The following LARP1B variants were observed in gnomAD, a reference collection of about 807,000 sequenced individuals.
LARP1B encodes la-related protein 1B.
A neutral mutation model predicts 114.2 loss-of-function variants in LARP1B; 76 were observed. That is an observed-to-expected ratio of 0.67 (90% CI 0.55 to 0.81). LARP1B has a LOEUF of 0.81. Ranked by LOEUF, LARP1B falls within the 30% of genes least tolerant of loss-of-function variation. LARP1B has a pLI of 0.00. For synonymous variants in LARP1B, 345 were observed against 348.0 expected (o/e 0.99, Z 0.10); for missense variants, 1,014 against 1,075.8 (o/e 0.94, Z 0.80).
intron 15 of LARP1B, among the ~76,000 whole-genome samples, chr4:128,184,891 A>G (rs995528296): frequency 6.6e-6 from 1 of 152,120 alleles, no homozygotes; most frequent in Non-Finnish European, 1.5e-5. Flanking sequence ...TTCCAGTTCT[A>G]TGTTTCTGCA....
At chr4:128,077,182 G>A (rs1333792470) in intron 3 of LARP1B, among the ~76,000 whole-genome samples, 3 of 152,060 alleles carry the variant, frequency 2.0e-5, no homozygotes, top group African/African-American at 7.2e-5. Flanking sequence ...TTTTGATGAA[G>A]TATGTGATCA....
chr4:128,189,326 T>TTC (rs1751457535), intron 15 of LARP1B, among the ~76,000 whole-genome samples: 2 of 127,222 alleles, frequency 1.6e-5, no homozygotes, highest in Non-Finnish European at 3.2e-5. Flanking sequence ...TATGGCTACT[T>TTC]TTTTTTTTTT....
intron 5 of LARP1B, among the ~76,000 whole-genome samples, chr4:128,083,285 A>G (rs1415130258): frequency 6.6e-6 from 1 of 151,818 alleles, no homozygotes; most frequent in African/African-American, 2.4e-5. Context: ...TTTCTATTCC[A>G]CAAAACCGCC....
At chr4:128,189,875 A>G (rs560688721) in intron 15 of LARP1B, among the ~76,000 whole-genome samples, 8 of 152,238 alleles carry the variant, frequency 5.3e-5, no homozygotes, top group South Asian at 2.1e-4. Context: ...ATTTACATCT[A>G]TTTATCTTCC....
chr4:128,093,051 C>A, intron 7 of LARP1B: 1 of 985,122 alleles, frequency 1.0e-6, no homozygotes, highest in Non-Finnish European at 1.2e-6. Flanking sequence ...GATGATGTCC[C>A]TAGGACACTG....
intron 9 of LARP1B, among the ~76,000 whole-genome samples, chr4:128,110,976 T>A (rs554450696): frequency 1.3e-5 from 2 of 151,880 alleles, no homozygotes; most frequent in South Asian, 4.1e-4. Flanking sequence ...CTTGGGAGGT[T>A]AAGTTTGGAG....
chr4:128,092,699 G>T (rs1776328865), intron 7 of LARP1B: 2 of 874,774 alleles, frequency 2.3e-6, no homozygotes, highest in South Asian at 1.1e-4. Context: ...CACCTTCCTG[G>T]GTTGCCTTCA....
At chr4:128,082,129 G>C in intron 4 of LARP1B, 36 bp from the exon 5 acceptor site, 1 of 1,595,454 alleles carries the variant, frequency 6.3e-7, no homozygotes, top group Non-Finnish European at 8.5e-7. Context: ...AGTGAAAATT[G>C]TACATTTGTC....
At chr4:128,079,539 CTTTTT>C (rs927452743) in intron 4 of LARP1B, among the ~76,000 whole-genome samples, 7 of 151,008 alleles carry the variant, frequency 4.6e-5, no homozygotes, top group African/African-American at 1.7e-4. Flanking sequence ...CTTCCTGTTT[CTTTTT>C]TTTTAATTTT....
intron 12 of LARP1B, among the ~76,000 whole-genome samples, chr4:128,163,273 A>G (rs903164482): frequency 6.6e-6 from 1 of 152,116 alleles, no homozygotes; most frequent in East Asian, 1.9e-4. Flanking sequence ...TTGCATCCCC[A>G]TGGTTTCATT....
At chr4:128,083,855 A>G (rs1413423389) in intron 5 of LARP1B, among the ~76,000 whole-genome samples, 6 of 148,284 alleles carry the variant, frequency 4.0e-5, no homozygotes, top group Non-Finnish European at 7.4e-5. Flanking sequence ...GACGCTCCTC[A>G]CTTCCCAGAC....
chr4:128,098,747 G>GTGTGTATATATATATATATATA lies in LARP1B; in HGVS notation c.813+418_813+419insGTGTATATATATATATATATAT. Among the ~76,000 whole-genome samples the GTGTGTATATATATATATATATA allele has an allele frequency of 5.7e-3, 88 of 15,574 alleles. 22 individuals are homozygous for GTGTGTATATATATATATATATA. The highest frequency in any genetic ancestry group is 7.6e-3 in the Non-Finnish European group (59 of 7,720). The allele number at this position is 15,574 out of a possible 152,430, so 10.2% of individuals were successfully genotyped here. A position where few individuals can be genotyped will look rare whatever the true frequency, so the allele number is the denominator to read the frequency against. On this transcript the variant is annotated intron_variant, in intron 8 of 19. Coordinates refer to ENST00000326639, the MANE Select transcript of LARP1B (RefSeq NM_018078.4). ...AGCATGTGTTCCTGTATATGTATGT[G>GTGTGTATATATATATATATATA]TATATATATATATATATATATTTTT...
chr4:128,146,461 G>A lies in LARP1B; in HGVS notation c.1525-15733G>A, dbSNP rs1169518574. On this transcript the variant is annotated intron_variant, in intron 11 of 19. Coordinates refer to ENST00000326639, the MANE Select transcript of LARP1B (RefSeq NM_018078.4). The stretch of plus-strand genomic sequence containing the variant: ...ATTCCAAAGTAAAGAAGTTTTAAAA[G>A]TTTGGTGGATGTTAGCCATATAATA... Among the ~76,000 whole-genome samples, 3 of 152,132 alleles carry A rather than the reference G, an allele frequency of 2.0e-5. No homozygotes were observed. The East Asian group carries it at 5.8e-4, about 29-fold the overall frequency.
Position 128,089,053 on chromosome 4 carries a change from AT to A in LARP1B, c.359-1939del, listed in dbSNP as rs201884584. 2.8e-3 allele frequency among the ~76,000 whole-genome samples: 422 copies of A among 151,566 alleles called. 2 individuals carry two copies. Among genetic ancestry groups the A allele is most frequent in the African/African-American group, 9.7e-3 (402 of 41,316 alleles). On this transcript the variant is annotated intron_variant, in intron 5 of 19. Transcript: ENST00000326639. The stretch of plus-strand genomic sequence containing the variant: ...TAGGGTAATGTTCTCAGTGAGGGTG[AT>A]TTTTTTTTCCCCAAAGAGTCATTTG...
chr4:128,159,434 T>A (rs1279993049), intron 11 of LARP1B, among the ~76,000 whole-genome samples: 1 of 152,124 alleles, frequency 6.6e-6, no homozygotes, highest in Non-Finnish European at 1.5e-5. Flanking sequence ...CTGTTCTTCA[T>A]CTCTATAATT....
At chr4:128,095,489 CAAAAAA>C (rs11311661) in intron 7 of LARP1B, among the ~76,000 whole-genome samples, 2 of 61,298 alleles carry the variant, frequency 3.3e-5, no homozygotes, top group East Asian at 4.0e-4. Context: ...AACTCCATCT[CAAAAAA>C]AAAAAAAAAA....
At chr4:128,163,946 T>C (rs1012775710) in intron 12 of LARP1B, among the ~76,000 whole-genome samples, 1 of 152,156 alleles carries the variant, frequency 6.6e-6, no homozygotes, top group South Asian at 2.1e-4. Context: ...GATCTGCTAC[T>C]CAGTTGGTCC....
chr4:128,061,547 C>A, intron 1 of LARP1B, 146 bp downstream of exon 1: 1 of 388,524 alleles, frequency 2.6e-6, no homozygotes, highest in Non-Finnish European at 3.5e-6. Flanking sequence ...GCGGCCTCGG[C>A]GGGCGGCGGC....
At chr4:128,065,263 T>TTCTC (rs1491173808) in intron 1 of LARP1B, among the ~76,000 whole-genome samples, 1 of 87,694 alleles carries the variant, frequency 1.1e-5, no homozygotes, top group Non-Finnish European at 2.5e-5. Flanking sequence ...ATTTCTTTCT[T>TTCTC]TCTTTCTTTC....
Sources: gnomAD v4.1 joint callset for allele counts (sites outside exome capture counted in the v4.1 genomes callset) on GRCh38, gnomAD v4.1.1 for gene constraint, MANE v1.5 for transcripts, NCBI Gene and HGNC (gene_info 2026-07-23, HGNC 2026-07-21) for gene names.